Variants in DNAJC6 observed in about 807,000 individuals in gnomAD.
DNAJC6 encodes the protein auxilin.
DNAJC6 carries 34 observed loss-of-function variants against 110.0 expected under a neutral mutation model. The observed-to-expected ratio is 0.31, with a 90% CI of 0.24 to 0.41. The LOEUF is 0.41. DNAJC6 is among the 10% of genes least tolerant of loss of function. The pLI, the probability that DNAJC6 is intolerant of heterozygous loss-of-function variation, is 1.00. For missense variants in DNAJC6, 1,031 were observed against 1,207.8 expected (o/e 0.85, Z 2.17); for synonymous variants, 406 against 437.2 (o/e 0.93, Z 0.89).
chr1:65,393,242 C>T (rs957435830), intron 12 of DNAJC6, among the ~76,000 whole-genome samples: 2 of 152,114 alleles, frequency 1.3e-5, no homozygotes, highest in African/African-American at 4.8e-5. Context: ...TAATACTAAA[C>T]ATTATTTAAT....
chr1:65,386,787 T>C (rs772008079), intron 7 of DNAJC6, 25 bp from the exon 8 acceptor site: 2 of 1,575,872 alleles, frequency 1.3e-6, no homozygotes, highest in Admixed American at 3.3e-5. Flanking sequence ...TCTCTTTCAA[T>C]GTATATTTTG....
intron 1 of DNAJC6, among the ~76,000 whole-genome samples, chr1:65,362,290 T>C (rs1374109292): frequency 2.0e-5 from 3 of 152,192 alleles, no homozygotes; most frequent in African/African-American, 7.2e-5. Context: ...TGACTGAATA[T>C]AGATAAAATG....
At chr1:65,389,162 A>T in intron 9 of DNAJC6, 94 bp from the exon 10 acceptor site, 1 of 1,156,990 alleles carries the variant, frequency 8.6e-7, no homozygotes, top group Non-Finnish European at 1.2e-6. Context: ...ACTTAGATTT[A>T]ACCTAAGAGT....
chr1:65,398,993 C>T lies in DNAJC6; in HGVS notation c.2107+112C>T, dbSNP rs975334959. 49 of 1,071,124 alleles carry T rather than the reference C, an allele frequency of 4.6e-5. 1 individual carries two copies. Among genetic ancestry groups the T allele is most frequent in the Non-Finnish European group, 4.1e-5 (30 of 724,508 alleles). The allele number at this position is 1,071,124 out of a possible 1,614,324, so 66.4% of individuals were successfully genotyped here. On this transcript the variant is annotated intron_variant, in intron 14 of 18. Coordinates refer to ENST00000371069, the MANE Select transcript of DNAJC6 (RefSeq NM_001256864.2). ...TGTGGCCTACCTGTGTAATTTGTGT[C>T]ACTTTTTCCTAAAGATTCATATTCT...
At chr1:65,264,890 A>G (rs780797572) in exon 1 of DNAJC6, 10 of 1,613,164 alleles carry the variant, frequency 6.2e-6, no homozygotes, top group Admixed American at 3.3e-5. Flanking sequence ...GCTCATTTGC[A>G]GCAGAGGGAG....
intron 1 of DNAJC6, among the ~76,000 whole-genome samples, chr1:65,333,781 T>C (rs1209481997): frequency 6.6e-6 from 1 of 152,228 alleles, no homozygotes; most frequent in Non-Finnish European, 1.5e-5. Flanking sequence ...TCAGAATTCC[T>C]TGTGACTATT....
chr1:65,302,026 A>G (rs1644984190), intron 1 of DNAJC6, among the ~76,000 whole-genome samples: 1 of 148,806 alleles, frequency 6.7e-6, no homozygotes, highest in Non-Finnish European at 1.5e-5. Flanking sequence ...TTTGTTTACT[A>G]TGTCGAGGGC....
intron 1 of DNAJC6, among the ~76,000 whole-genome samples, chr1:65,316,185 C>T (rs1645146972): frequency 6.6e-6 from 1 of 152,158 alleles, no homozygotes; most frequent in African/African-American, 2.4e-5. Flanking sequence ...CTTTGTGGCA[C>T]CTGTGAAAGC....
chr1:65,322,846 G>A (rs985933880), intron 1 of DNAJC6, among the ~76,000 whole-genome samples: 1 of 152,174 alleles, frequency 6.6e-6, no homozygotes, highest in African/African-American at 2.4e-5. Context: ...ATTAAAGGTT[G>A]ATATTTCTGT....
At chr1:65,325,062 G>A (rs1043174665) in intron 1 of DNAJC6, among the ~76,000 whole-genome samples, 3 of 152,288 alleles carry the variant, frequency 2.0e-5, no homozygotes, top group Admixed American at 2.0e-4. Flanking sequence ...TTTCTACCAG[G>A]CTGCAGGAGG....
chr1:65,366,794 C>G (rs1645651053), intron 4 of DNAJC6, among the ~76,000 whole-genome samples: 1 of 152,090 alleles, frequency 6.6e-6, no homozygotes, highest in Admixed American at 6.6e-5. Context: ...AAGAACATCT[C>G]TAAATATTTT....
chr1:65,310,781 T>C (rs1645092195), intron 1 of DNAJC6, among the ~76,000 whole-genome samples: 1 of 152,208 alleles, frequency 6.6e-6, no homozygotes, highest in South Asian at 2.1e-4. Context: ...GGAGTATTAT[T>C]ATAGCTATTT....
chr1:65,374,305 AT>A (rs1445041382), intron 4 of DNAJC6, among the ~76,000 whole-genome samples: 6 of 138,248 alleles, frequency 4.3e-5, no homozygotes, highest in African/African-American at 1.8e-4. Context: ...GTTTTTTTTT[AT>A]TTCTGTGAAG....
At chr1:65,282,706 G>A (rs2101192979) in intron 1 of DNAJC6, among the ~76,000 whole-genome samples, 1 of 152,318 alleles carries the variant, frequency 6.6e-6, no homozygotes, top group East Asian at 1.9e-4. Context: ...GTCTCCTGGT[G>A]TTCCTAAGGA....
At chr1:65,380,916 G>GC (rs1553145950) in intron 5 of DNAJC6, among the ~76,000 whole-genome samples, 2 of 93,566 alleles carry the variant, frequency 2.1e-5, no homozygotes, top group Non-Finnish European at 3.6e-5. Context: ...TTTTTGTTTT[G>GC]TTTTGTTTTT....
At chr1:65,313,796 T>C (rs1382751961) in intron 1 of DNAJC6, among the ~76,000 whole-genome samples, 4 of 152,246 alleles carry the variant, frequency 2.6e-5, no homozygotes, top group Admixed American at 2.6e-4. Flanking sequence ...TCCAGAGCTC[T>C]CTGCCTTCCC....
intron 1 of DNAJC6, among the ~76,000 whole-genome samples, chr1:65,359,099 G>A (rs1645574773): frequency 6.6e-6 from 1 of 152,120 alleles, no homozygotes; most frequent in African/African-American, 2.4e-5. Context: ...TTACATTAAG[G>A]CAGTTAAGAC....
chr1:65,307,959 G>T (rs1408000607), upstream of DNAJC6, among the ~76,000 whole-genome samples: 1 of 152,166 alleles, frequency 6.6e-6, no homozygotes, highest in African/African-American at 2.4e-5. Context: ...GGAAGTTTAG[G>T]TTTCCCCAGA....
At chr1:65,273,347 C>T (rs1359955453) in intron 1 of DNAJC6, among the ~76,000 whole-genome samples, 1 of 152,108 alleles carries the variant, frequency 6.6e-6, no homozygotes, top group Non-Finnish European at 1.5e-5. Flanking sequence ...GCCTGTAATC[C>T]CAGCACTTTT....
Sources: allele counts gnomAD v4.1 joint callset (sites outside exome capture counted in the v4.1 genomes callset), GRCh38; gene constraint gnomAD v4.1.1; transcripts MANE v1.5; gene names NCBI Gene and HGNC (gene_info 2026-07-23, HGNC 2026-07-21).